Variants in BMP8A observed in about 807,000 individuals in gnomAD.
BMP8A encodes BMP-8A.
In BMP8A, 14 loss-of-function variants were observed where a neutral mutation model predicts 36.8. The ratio of observed to expected loss-of-function variants is 0.38; its 90% CI spans 0.25 to 0.60. The LOEUF (loss-of-function observed/expected upper bound fraction) is 0.60, where lower values mean the gene tolerates loss of function less well. BMP8A is among the 20% of genes least tolerant of loss of function. BMP8A has a pLI of 0.63. For missense variants in BMP8A, 267 were observed against 551.1 expected (o/e 0.48, Z 5.16); for synonymous variants, 120 against 237.7 (o/e 0.50, Z 4.55).
Position 39,516,111 on chromosome 1 carries a change from A to G in BMP8A, c.673+4207A>G, listed in dbSNP as rs1322110236. On this transcript the variant is annotated intron_variant, in intron 3 of 6. Transcript: ENST00000331593. The stretch of plus-strand genomic sequence containing the variant: ...GCCATGATCCGAGGGGGACACATCC[A>G]ACTAACCATGCTTGGAGCCATGCAG... 6.0e-6 allele frequency: 4 copies of G among 662,084 alleles called. 1 individual carries two copies. Among genetic ancestry groups the G allele is most frequent in the Non-Finnish European group, 9.4e-6 (4 of 427,642 alleles). The allele number at this position is 662,084 out of a possible 1,614,324, so 41.0% of individuals were successfully genotyped here. A position where few individuals can be genotyped will look rare whatever the true frequency, so the allele number is the denominator to read the frequency against.
intron 1 of BMP8A, among the ~76,000 whole-genome samples, chr1:39,500,389 G>A (rs755596681): frequency 6.6e-6 from 1 of 152,230 alleles, no homozygotes; most frequent in Non-Finnish European, 1.5e-5. Flanking sequence ...GGGGAAGGGA[G>A]TGCTGCTGTC....
chr1:39,523,666 CT>C, intron 6 of BMP8A: 1 of 1,446,500 alleles, frequency 6.9e-7, no homozygotes, highest in South Asian at 1.4e-5. Context: ...TCTGGATCCC[CT>C]GGCTTTTGAT....
In BMP8A at chr1:39,529,562, C is replaced by T. The variant is rs1348464591; in HGVS notation, c.*3764C>T. On this transcript the variant is annotated 3_prime_UTR_variant, in exon 7 of 7. Transcript: ENST00000331593. The stretch of plus-strand genomic sequence containing the variant: ...AAGTCTTGAGCAAACAGTTGCCGCT[C>T]TCCACCCCCTGCTTTTTAAAAAAAA... Among the ~76,000 whole-genome samples, 1 of 152,204 alleles carries T rather than the reference C, an allele frequency of 6.6e-6. No individual in the cohort carries two copies. The highest frequency in any genetic ancestry group is 2.4e-5 in the African/African-American group (1 of 41,448).
In BMP8A at chr1:39,492,141, G is replaced by A; in HGVS notation, c.150G>A (p.Ala50=). The part of the protein sequence containing the change: ...ERRDVQREIL[A]VLGLPGRPRP... ...GGGACGTGCAGCGCGAGATCCTGGCGGTGCTCGGGCTACCCGGGCGGCCCC... is the reference window on the plus strand; with the variant it reads ...GGGACGTGCAGCGCGAGATCCTGGCAGTGCTCGGGCTACCCGGGCGGCCCC... The change falls in exon 1 of 7, where the codon GCG becomes GCA. Residue 50 remains alanine, a synonymous_variant. Transcript: ENST00000331593. 8.0e-7 allele frequency: 1 copy of A among 1,257,324 alleles called. No individual in the cohort carries two copies. 77.9% of individuals were successfully genotyped at this position (1,257,324 alleles called of 1,614,324 possible).
chr1:39,525,645 C>T lies in BMP8A; in HGVS notation c.1060-4C>T, dbSNP rs1409431598. 2 of 1,613,668 alleles carry T rather than the reference C, an allele frequency of 1.2e-6. No homozygotes were observed. The highest frequency in any genetic ancestry group is 1.7e-5 in the Admixed American group (1 of 60,028). On this transcript the variant is annotated splice_polypyrimidine_tract_variant and splice_region_variant and intron_variant, in intron 6 of 6. Transcript: ENST00000331593. Reference sequence around the variant, plus strand: ...GCCCCTGCCTGTGCTCCCTTCCTGGCCAGGTGCACCTGATGAAGCCAAACG... The same window carrying T: ...GCCCCTGCCTGTGCTCCCTTCCTGGTCAGGTGCACCTGATGAAGCCAAACG...
intron 1 of BMP8A, among the ~76,000 whole-genome samples, chr1:39,503,680 A>C (rs902090035): frequency 1.3e-5 from 2 of 151,916 alleles, no homozygotes; most frequent in African/African-American, 2.4e-5. Flanking sequence ...ATACCTGACT[A>C]ATTTTTTGTT....
rs1645165277 is a variant in BMP8A, at chr1:39,492,192, C to G, written c.201C>G (p.Ser67=). The change falls in exon 1 of 7, where the codon TCC becomes TCG. Residue 67 remains serine, a synonymous_variant. Coordinates refer to ENST00000331593, the MANE Select transcript of BMP8A (RefSeq NM_181809.4). ...RPRPRAPPAA[S]RLPASAPLFM... ...GGCCCCGCGCGCCACCCGCCGCCTC[C>G]CGGCTGCCCGCGTCCGCGCCGCTCT... 1 of 1,366,834 alleles carries G rather than the reference C, an allele frequency of 7.3e-7. No individual in the cohort carries two copies. Among genetic ancestry groups the G allele is most frequent in the African/African-American group, 1.5e-5 (1 of 65,752 alleles). 84.7% of individuals were successfully genotyped at this position (1,366,834 alleles called of 1,614,324 possible). A position where few individuals can be genotyped will look rare whatever the true frequency, so the allele number is the denominator to read the frequency against.
In BMP8A at chr1:39,527,199, G is replaced by T. The variant is rs889942193; in HGVS notation, c.*1401G>T. On this transcript the variant is annotated 3_prime_UTR_variant, in exon 7 of 7. Transcript: ENST00000331593. ...CTTGGGTCTGTGAGTCAAAGAAAAG[G>T]TCCCTGTCCCAGGGAGTGACAGGCA... Among the ~76,000 whole-genome samples, 2 of 152,178 alleles carry T rather than the reference G, an allele frequency of 1.3e-5. No individual in the cohort carries two copies. The highest frequency in any genetic ancestry group is 4.8e-5 in the African/African-American group (2 of 41,456).
chr1:39,527,236 G>A lies in BMP8A; in HGVS notation c.*1438G>A, dbSNP rs1194889334. On this transcript the variant is annotated 3_prime_UTR_variant, in exon 7 of 7. Transcript: ENST00000331593. ...GGGAGTGACAGGCAGTAATTAGGCT[G>A]AGTTGGGTGGGGAGGTTTGTCTCGG... 1.3e-5 allele frequency among the ~76,000 whole-genome samples: 2 copies of A among 152,192 alleles called. No individual in the cohort carries two copies. The highest frequency in any genetic ancestry group is 4.8e-5 in the African/African-American group (2 of 41,450).
At chr1:39,499,924 G>A (rs1345780548) in intron 1 of BMP8A, among the ~76,000 whole-genome samples, 2 of 152,144 alleles carry the variant, frequency 1.3e-5, no homozygotes, top group African/African-American at 4.8e-5. Flanking sequence ...ACCTCCCAAG[G>A]TCATGCACTG....
chr1:39,508,577 T>A (rs1645323440), intron 1 of BMP8A, among the ~76,000 whole-genome samples: 4 of 152,222 alleles, frequency 2.6e-5, no homozygotes, highest in African/African-American at 7.2e-5. Context: ...TTCAATGCTC[T>A]CTTAGCAGCT....
intron 3 of BMP8A, chr1:39,515,716 C>T (rs1645389808): frequency 6.3e-7 from 1 of 1,576,308 alleles, no homozygotes; most frequent in Non-Finnish European, 8.7e-7. Flanking sequence ...AAGACATCCA[C>T]GTTCCTAACA....
At chr1:39,506,120 C>A (rs920513488) in intron 1 of BMP8A, among the ~76,000 whole-genome samples, 13 of 151,816 alleles carry the variant, frequency 8.6e-5, no homozygotes, top group Admixed American at 8.5e-4. Context: ...AGATTGAATT[C>A]TTGACAGAAA....
In BMP8A at chr1:39,492,073, C is replaced by A; in HGVS notation, c.82C>A (p.Pro28Thr). The A allele has an allele frequency of 8.9e-7, 1 of 1,126,626 alleles. No homozygotes were observed. The highest frequency in any genetic ancestry group is 1.1e-6 in the Non-Finnish European group (1 of 923,230). 69.8% of individuals were successfully genotyped at this position (1,126,626 alleles called of 1,614,324 possible). The part of the protein sequence containing the change: ...LGGGGPGLRP[P>T]PGCPQRRLGA... ...CGGGGGCGGCCCCGGCCTGCGACCC[C>A]CGCCCGGCTGTCCCCAGCGACGTCT... Residue 28 changes from proline (P) to threonine (T), a missense_variant, in exon 1 of 7, where the codon CCG becomes ACG. Pro to Thr is a conservative substitution (Grantham distance 38, BLOSUM62 -1). Around this residue, in one of 7 missense-constraint regions of BMP8A, gnomAD observed 56 missense variants for 74.1 expected, o/e 0.76. Transcript: ENST00000331593.
In BMP8A at chr1:39,529,584, A is replaced by G. The variant is rs1473843196; in HGVS notation, c.*3786A>G. 6.6e-6 allele frequency among the ~76,000 whole-genome samples: 1 copy of G among 152,246 alleles called. No homozygotes were observed. Among genetic ancestry groups the G allele is most frequent in the Non-Finnish European group, 1.5e-5 (1 of 68,044 alleles). The stretch of plus-strand genomic sequence containing the variant: ...GCTCTCCACCCCCTGCTTTTTAAAA[A>G]AAATTTTTTCTCACGTAAGAAAATG... On this transcript the variant is annotated 3_prime_UTR_variant, in exon 7 of 7. Transcript: ENST00000331593.
At position 39,492,246 on chromosome 1, in the gene BMP8A, T is replaced by C. The variant is rs3954097; in HGVS notation, c.255T>C (p.Ala85=). The C allele has an allele frequency of 3.7e-5, 58 of 1,559,414 alleles. No individual in the cohort carries two copies. The highest frequency in any genetic ancestry group is 2.0e-4 in the South Asian group (18 of 88,118). ...LFMLDLYHAM[A]GDDDEDGAPA... Reference sequence around the variant, plus strand: ...TGCTGGACCTGTACCACGCCATGGCTGGCGACGACGACGAGGACGGCGCGC... The same window carrying C: ...TGCTGGACCTGTACCACGCCATGGCCGGCGACGACGACGAGGACGGCGCGC... The change falls in exon 1 of 7, where the codon GCT becomes GCC. Residue 85 remains alanine (A), a synonymous_variant. Coordinates refer to ENST00000331593, the MANE Select transcript of BMP8A (RefSeq NM_181809.4).
rs897887716 is a variant in BMP8A, at chr1:39,526,131, C to A, written c.*333C>A. ...CCCCGGATGGTCTGAGGTTGGCTGA[C>A]CCGAGCTTTTCTCCATTCACCAGAG... On this transcript the variant is annotated 3_prime_UTR_variant, in exon 7 of 7. Transcript: ENST00000331593. 6.6e-6 allele frequency among the ~76,000 whole-genome samples: 1 copy of A among 152,140 alleles called. No individual in the cohort carries two copies. The highest frequency in any genetic ancestry group is 1.5e-5 in the Non-Finnish European group (1 of 68,024).
intron 1 of BMP8A, among the ~76,000 whole-genome samples, chr1:39,503,500 C>T (rs1645270618): frequency 1.4e-5 from 2 of 145,000 alleles, no homozygotes; most frequent in African/African-American, 5.0e-5. Context: ...ATTATGCTTA[C>T]AGTCTTTCTT....
rs1570265059 is a variant in BMP8A at position 39,492,207 on chromosome 1, C to T, written c.216C>T (p.Ser72=). The T allele has an allele frequency of 7.0e-7, 1 of 1,437,036 alleles. No individual in the cohort carries two copies. Among genetic ancestry groups the T allele is most frequent in the Non-Finnish European group, 9.1e-7 (1 of 1,103,496 alleles). The allele number at this position is 1,437,036 out of a possible 1,614,324, so 89.0% of individuals were successfully genotyped here. ...CCGCCGCCTCCCGGCTGCCCGCGTC[C>T]GCGCCGCTCTTCATGCTGGACCTGT... is the stretch of plus-strand genomic sequence containing the variant. The part of the protein sequence containing the change: ...APPAASRLPA[S]APLFMLDLYH... The change falls in exon 1 of 7, where the codon TCC becomes TCT. Residue 72 remains serine (S), a synonymous_variant. Coordinates refer to ENST00000331593, the MANE Select transcript of BMP8A (RefSeq NM_181809.4).
Sources: gnomAD v4.1 joint callset for allele counts (sites outside exome capture counted in the v4.1 genomes callset) on GRCh38, gnomAD v4.1.1 for gene constraint, gnomAD v4.1.1 regional missense constraint, MANE v1.5 for transcripts, NCBI Gene and HGNC (gene_info 2026-07-23, HGNC 2026-07-21) for gene names.